Variants in NR3C2 observed in about 807,000 individuals in gnomAD.
NR3C2 encodes the protein nuclear receptor subfamily 3 group C member 2, also known as mineralocorticoid receptor.
In NR3C2, 15 loss-of-function variants were observed where a neutral mutation model predicts 86.4. That is an observed-to-expected ratio of 0.17 (90% CI 0.12 to 0.27). The LOEUF (loss-of-function observed/expected upper bound fraction) is 0.27. Among genes scored for constraint, NR3C2 ranks in the 10% least tolerant of loss-of-function variants. The pLI, the probability that NR3C2 is intolerant of heterozygous loss-of-function variation, is 1.00. For missense variants in NR3C2, 960 were observed against 1,195.6 expected (o/e 0.80, Z 2.91); for synonymous variants, 458 against 450.5 (o/e 1.02, Z -0.21).
chr4:148,376,900 ACT>A (rs1164824991), intron 2 of NR3C2, among the ~76,000 whole-genome samples: 3 of 152,134 alleles, frequency 2.0e-5, no homozygotes, highest in African/African-American at 4.8e-5. Flanking sequence ...AACAACAAAA[ACT>A]CTTTTTCCTC....
At chr4:148,359,160 A>G (rs1745716691) in intron 2 of NR3C2, among the ~76,000 whole-genome samples, 1 of 152,122 alleles carries the variant, frequency 6.6e-6, no homozygotes, top group Non-Finnish European at 1.5e-5. Flanking sequence ...TTTCTGACCC[A>G]TTCAACTTAA....
At chr4:148,369,298 T>G (rs138767225) in intron 2 of NR3C2, among the ~76,000 whole-genome samples, 4 of 152,330 alleles carry the variant, frequency 2.6e-5, no homozygotes, top group Non-Finnish European at 5.9e-5. Context: ...TTTAGAAAGT[T>G]TGTTTCTTAA....
At position 148,436,209 on chromosome 4, in the gene NR3C2, C is replaced by T; in HGVS notation, c.652G>A (p.Ala218Thr). 6.2e-7 allele frequency: 1 copy of T among 1,614,154 alleles called. No homozygotes were observed. Among genetic ancestry groups the T allele is most frequent in the Non-Finnish European group, 8.5e-7 (1 of 1,180,014 alleles). Residue 218 changes from alanine to threonine, a missense_variant, in exon 2 of 9, where the codon GCC becomes ACC. By Grantham distance (58) the Ala-to-Thr change is moderately conservative (BLOSUM62 0). This residue lies in a region of NR3C2 where 680 missense variants were observed against 719.0 expected (regional missense o/e 0.95). Coordinates refer to ENST00000358102, the MANE Select transcript of NR3C2 (RefSeq NM_000901.5). ...AGINSVSSTT[A>T]SFGSFPVHSP... ...TGCACTGGAAAACTGCCAAAGCTGG[C>T]TGTGGTGGAGGACACAGAGTTGATT...
At chr4:148,100,792 A>G (rs1731501268) in intron 8 of NR3C2, among the ~76,000 whole-genome samples, 1 of 152,276 alleles carries the variant, frequency 6.6e-6, no homozygotes, top group South Asian at 2.1e-4. Context: ...ACTATTCACA[A>G]TAGGCAAAAG....
chr4:148,356,354 A>G (rs1324117854), intron 2 of NR3C2, among the ~76,000 whole-genome samples: 1 of 152,236 alleles, frequency 6.6e-6, no homozygotes, highest in Non-Finnish European at 1.5e-5. Context: ...CTCTACATGC[A>G]CATTATATAA....
chr4:148,361,828 T>TTTGTTGTTGTTA (rs10528442), intron 2 of NR3C2, among the ~76,000 whole-genome samples: 1 of 151,880 alleles, frequency 6.6e-6, no homozygotes, highest in African/African-American at 2.4e-5. Flanking sequence ...ACCCTAAAGT[T>TTTGTTGTTGTTA]TTGTTGTTAT....
chr4:148,438,015 A>G (rs1317903856), intron 1 of NR3C2, among the ~76,000 whole-genome samples: 1 of 152,206 alleles, frequency 6.6e-6, no homozygotes, highest in Non-Finnish European at 1.5e-5. Flanking sequence ...ATTTATCCTT[A>G]CACACAACCC....
At chr4:148,298,426 G>A (rs72728485) in intron 2 of NR3C2, among the ~76,000 whole-genome samples, 15 of 152,134 alleles carry the variant, frequency 9.9e-5, no homozygotes, top group African/African-American at 2.9e-4. Flanking sequence ...AATGTGTTGC[G>A]CCTTGATCAC....
chr4:148,094,540 C>T (rs1270312173), intron 8 of NR3C2, among the ~76,000 whole-genome samples: 1 of 151,922 alleles, frequency 6.6e-6, no homozygotes, highest in African/African-American at 2.4e-5. Context: ...ATGGTGAAAC[C>T]CAGTCTCTAC....
chr4:148,366,894 C>A (rs1746170787), intron 2 of NR3C2, among the ~76,000 whole-genome samples: 1 of 152,136 alleles, frequency 6.6e-6, no homozygotes, highest in African/African-American at 2.4e-5. Flanking sequence ...TGTATAATTA[C>A]ACTGGCAACA....
chr4:148,234,198 T>C (rs1190840761), intron 3 of NR3C2, among the ~76,000 whole-genome samples: 2 of 152,186 alleles, frequency 1.3e-5, no homozygotes, highest in Non-Finnish European at 2.9e-5. Flanking sequence ...GTCTACTGAA[T>C]ACACTGTAAC....
chr4:148,084,496 T>A (rs938963043), intron 8 of NR3C2, among the ~76,000 whole-genome samples: 2 of 152,236 alleles, frequency 1.3e-5, no homozygotes, highest in African/African-American at 2.4e-5. Context: ...AGGCCTGCGT[T>A]ACAAGAGCTC....
chr4:148,357,229 G>A (rs1038251706), intron 2 of NR3C2, among the ~76,000 whole-genome samples: 10 of 152,184 alleles, frequency 6.6e-5, no homozygotes, highest in African/African-American at 2.4e-4. Flanking sequence ...ATTTTATAAT[G>A]AGCTTACAAA....
intron 2 of NR3C2, among the ~76,000 whole-genome samples, chr4:148,398,044 T>C (rs1747949542): frequency 6.6e-6 from 1 of 152,156 alleles, no homozygotes; most frequent in Non-Finnish European, 1.5e-5. Context: ...TCTGCCTCCA[T>C]TGTCATATGG....
At chr4:148,337,480 T>C (rs1425443342) in intron 2 of NR3C2, among the ~76,000 whole-genome samples, 1 of 152,228 alleles carries the variant, frequency 6.6e-6, no homozygotes, top group Non-Finnish European at 1.5e-5. Flanking sequence ...TTATCAAATT[T>C]TAAGCAGGGA....
chr4:148,438,917 C>T (rs1750203431), intron 1 of NR3C2, among the ~76,000 whole-genome samples: 1 of 152,122 alleles, frequency 6.6e-6, no homozygotes, highest in Non-Finnish European at 1.5e-5. Context: ...TGCTCAATTT[C>T]CAAACATTAA....
chr4:148,275,783 A>G (rs1373898466), intron 2 of NR3C2, among the ~76,000 whole-genome samples: 1 of 152,152 alleles, frequency 6.6e-6, no homozygotes, highest in Non-Finnish European at 1.5e-5. Flanking sequence ...AAAATAACTA[A>G]TATTATCATA....
rs531578169 is a variant in NR3C2, at chr4:148,177,080, G to A, written c.2014+17666C>T. ...CCATTTTTATTAGCTCTACTAACTC[G>A]GCTTTTAAGAACCTCTCTGTCAAAC... is the stretch of plus-strand genomic sequence containing the variant. On this transcript the variant is annotated intron_variant, in intron 4 of 8. Transcript: ENST00000358102. Among the ~76,000 whole-genome samples the A allele has an allele frequency of 4.7e-4, 72 of 152,132 alleles. 1 individual carries two copies. Among genetic ancestry groups the A allele is most frequent in the African/African-American group, 1.7e-3 (69 of 41,504 alleles).
chr4:148,423,215 T>A (rs974771257), intron 2 of NR3C2, among the ~76,000 whole-genome samples: 1 of 121,646 alleles, frequency 8.2e-6, no homozygotes, highest in Non-Finnish European at 1.8e-5. Flanking sequence ...CCCTTTTATG[T>A]CATTCCTGAA....
Sources: allele counts gnomAD v4.1 joint callset (sites outside exome capture counted in the v4.1 genomes callset), GRCh38; gene constraint gnomAD v4.1.1; regional missense constraint gnomAD v4.1.1; transcripts MANE v1.5; gene names NCBI Gene and HGNC (gene_info 2026-07-23, HGNC 2026-07-21).